SPMIP2: variants seen among roughly 807,000 people sequenced by gnomAD.
SPMIP2 encodes sperm microtubule inner protein 2.
chr4:159,066,427 G>T, the SPMIP2 span, among the ~76,000 whole-genome samples: 4 of 151,970 alleles, frequency 2.6e-5, no homozygotes, highest in African/African-American at 7.3e-5. Context: ...ACGCAAGACA[G>T]AGAGCTAAAA....
chr4:158,953,899 C>G, the SPMIP2 span, among the ~76,000 whole-genome samples: 4 of 152,188 alleles, frequency 2.6e-5, no homozygotes, highest in East Asian at 7.7e-4. Context: ...ATTTGAACAG[C>G]TGTATTTACC....
chr4:158,999,352 C>T, the SPMIP2 span, among the ~76,000 whole-genome samples: 5 of 152,160 alleles, frequency 3.3e-5, no homozygotes, highest in Admixed American at 1.3e-4. Flanking sequence ...TGAAATGTGG[C>T]AATTCCCTAG....
chr4:158,962,076 A>G, the SPMIP2 span, among the ~76,000 whole-genome samples: 1 of 152,196 alleles, frequency 6.6e-6, no homozygotes, highest in African/African-American at 2.4e-5. Flanking sequence ...TCAATCTTCA[A>G]ATAAGTCTGT....
chr4:158,924,308 A>T, the SPMIP2 span, among the ~76,000 whole-genome samples: 2 of 152,206 alleles, frequency 1.3e-5, no homozygotes, highest in Admixed American at 1.3e-4. Flanking sequence ...GTTTTTCATC[A>T]TGAAAAAGGG....
chr4:159,057,395 A>AT, the SPMIP2 span, among the ~76,000 whole-genome samples: 1 of 152,148 alleles, frequency 6.6e-6, no homozygotes, highest in Non-Finnish European at 1.5e-5. Flanking sequence ...GCTACAGTAC[A>AT]TTTTTTCTCC....
chr4:158,967,281 G>C, the SPMIP2 span, among the ~76,000 whole-genome samples: 5 of 152,144 alleles, frequency 3.3e-5, no homozygotes, highest in Non-Finnish European at 5.9e-5. Flanking sequence ...AAAAAGGAGG[G>C]TGATTTGGTC....
the SPMIP2 span, among the ~76,000 whole-genome samples, chr4:159,042,873 G>T: frequency 6.6e-6 from 1 of 152,024 alleles, no homozygotes; most frequent in East Asian, 1.9e-4. Flanking sequence ...ATGTTGCTCA[G>T]GCTGGTCTCC....
the SPMIP2 span, among the ~76,000 whole-genome samples, chr4:159,075,185 G>A: frequency 1.3e-5 from 2 of 152,154 alleles, no homozygotes; most frequent in East Asian, 3.9e-4. Flanking sequence ...GAAATGGGTG[G>A]TGATCTGGAG....
the SPMIP2 span, among the ~76,000 whole-genome samples, chr4:158,948,558 T>C: frequency 2.0e-5 from 3 of 151,912 alleles, no homozygotes; most frequent in Admixed American, 1.3e-4. Flanking sequence ...TTCATTCTGA[T>C]ATTGTGAAGT....
At chr4:158,896,169 C>T in the SPMIP2 span, among the ~76,000 whole-genome samples, 1 of 152,208 alleles carries the variant, frequency 6.6e-6, no homozygotes, top group African/African-American at 2.4e-5. Context: ...TTTCTAGTAA[C>T]TGAATAAGAT....
the SPMIP2 span, among the ~76,000 whole-genome samples, chr4:158,942,544 G>A: frequency 6.6e-5 from 10 of 152,154 alleles, no homozygotes; most frequent in African/African-American, 9.7e-5. Flanking sequence ...CAAGGCAGGC[G>A]GATCACTTGA....
At chr4:159,017,364 C>CACAT in the SPMIP2 span, among the ~76,000 whole-genome samples, 113 of 149,430 alleles carry the variant, frequency 7.6e-4, no homozygotes, top group African/African-American at 2.7e-3. Flanking sequence ...CATACACACA[C>CACAT]ACACACACAC....
chr4:158,899,590 T>G, the SPMIP2 span, among the ~76,000 whole-genome samples: 1 of 152,258 alleles, frequency 6.6e-6, no homozygotes, highest in East Asian at 1.9e-4. Flanking sequence ...AGGGTGTATG[T>G]GCCCAGGAAT....
chr4:158,931,383 G>T, the SPMIP2 span, among the ~76,000 whole-genome samples: 1 of 152,122 alleles, frequency 6.6e-6, no homozygotes. Flanking sequence ...CCAAGCAGCT[G>T]GGACTAGAGG....
At chr4:158,973,450 C>T in the SPMIP2 span, 1 of 435,082 alleles carries the variant, frequency 2.3e-6, no homozygotes, top group Non-Finnish European at 4.0e-6. Context: ...GCCTTTTAGA[C>T]ATGTTAATTC....
the SPMIP2 span, among the ~76,000 whole-genome samples, chr4:159,072,982 G>A: frequency 6.6e-6 from 1 of 152,098 alleles, no homozygotes; most frequent in Non-Finnish European, 1.5e-5. Flanking sequence ...TCACAATGCT[G>A]CAGCCAGAGA....
chr4:158,973,918 G>A, the SPMIP2 span, among the ~76,000 whole-genome samples: 7 of 148,414 alleles, frequency 4.7e-5, no homozygotes, highest in Admixed American at 2.7e-4. Flanking sequence ...CCCAGGAGGT[G>A]GAGGCTGCAG....
At chr4:159,019,089 C>A in the SPMIP2 span, among the ~76,000 whole-genome samples, 1 of 152,070 alleles carries the variant, frequency 6.6e-6, no homozygotes, top group Non-Finnish European at 1.5e-5. Flanking sequence ...CCTGCATGTC[C>A]TATCTCCCTA....
the SPMIP2 span, among the ~76,000 whole-genome samples, chr4:159,037,455 T>C: frequency 6.6e-6 from 1 of 152,056 alleles, no homozygotes; most frequent in Non-Finnish European, 1.5e-5. Context: ...TTTTTTTTTT[T>C]TTCTTTTCTT....
Sources: allele counts gnomAD v4.1 joint callset (sites outside exome capture counted in the v4.1 genomes callset), GRCh38; gene constraint gnomAD v4.1.1; transcripts MANE v1.5; gene names NCBI Gene and HGNC (gene_info 2026-07-23, HGNC 2026-07-21).